Variants in DLG5 observed in about 807,000 individuals in gnomAD.
DLG5 encodes the protein disks large homolog 5.
Under a neutral mutation model 189.8 loss-of-function variants are expected in DLG5, and 48 were observed. That is an observed-to-expected ratio of 0.25 (90% CI 0.20 to 0.32). DLG5 has a LOEUF of 0.32. DLG5 is among the 10% of genes least tolerant of loss of function. The pLI is 1.00. For synonymous variants in DLG5, 1,016 were observed against 1,054.1 expected, an observed-to-expected ratio of 0.96 and a Z score of 0.70; for missense variants, 2,160 against 2,544.7, an observed-to-expected ratio of 0.85 and a Z score of 3.25.
At chr10:77,934,038 ACT>A in the DLG5 span, among the ~76,000 whole-genome samples, 1 of 150,714 alleles carries the variant, frequency 6.6e-6, no homozygotes, top group Non-Finnish European at 1.5e-5. Context: ...ACAGAGTGAG[ACT>A]CTGTCTCCAA....
chr10:77,889,683 G>C (rs1845550134), intron 1 of DLG5, among the ~76,000 whole-genome samples: 1 of 152,206 alleles, frequency 6.6e-6, no homozygotes, highest in African/African-American at 2.4e-5. Flanking sequence ...GGGTTAGGCA[G>C]GGTCACAGGC....
At chr10:77,875,941 C>T (rs893140934) in intron 1 of DLG5, among the ~76,000 whole-genome samples, 1 of 152,192 alleles carries the variant, frequency 6.6e-6, no homozygotes, top group African/African-American at 2.4e-5. Context: ...GGGAAGCGGA[C>T]AAGGCCCAGT....
intron 2 of DLG5, among the ~76,000 whole-genome samples, chr10:77,866,162 G>A (rs147998347): frequency 8.1e-4 from 124 of 152,286 alleles, no homozygotes; most frequent in Middle Eastern, 6.8e-3. Flanking sequence ...GGAACTCCCT[G>A]GCAGGTGCTA....
intron 2 of DLG5, among the ~76,000 whole-genome samples, chr10:77,859,226 T>TA (rs559405438): frequency 1.1e-4 from 17 of 152,244 alleles, no homozygotes; most frequent in Middle Eastern, 3.4e-3. Flanking sequence ...GTCAAAAAGT[T>TA]AAAAAAATAT....
chr10:77,802,717 T>C (rs1841274786), intron 27 of DLG5, among the ~76,000 whole-genome samples: 1 of 152,086 alleles, frequency 6.6e-6, no homozygotes, highest in African/African-American at 2.4e-5. Flanking sequence ...CTGGCCAACA[T>C]GGTGAAACCC....
chr10:77,797,845 G>C (rs1170111023), intron 27 of DLG5, among the ~76,000 whole-genome samples: 1 of 152,168 alleles, frequency 6.6e-6, no homozygotes, highest in Non-Finnish European at 1.5e-5. Context: ...CAGGGAGTAA[G>C]TAAAGTCTCT....
rs948945354 is a variant in DLG5 at position 77,793,855 on chromosome 10, A to G, written c.5656+153T>C. The stretch of plus-strand genomic sequence containing the variant: ...ATCCTGACGTTGGCCAGGGACTGCA[A>G]TCTGAACACCTGACTTGTCAGGAAC... On this transcript the variant is annotated intron_variant, in intron 31 of 31. Transcript: ENST00000372391. 1.1e-5 allele frequency: 7 copies of G among 661,790 alleles called. No homozygotes were observed. The African/African-American group carries it at 1.3e-4, about 12-fold the overall frequency. 41.0% of individuals were successfully genotyped at this position (661,790 alleles called of 1,614,324 possible).
intron 2 of DLG5, among the ~76,000 whole-genome samples, chr10:77,858,885 G>T (rs1415075617): frequency 2.0e-5 from 3 of 152,018 alleles, no homozygotes; most frequent in Non-Finnish European, 2.9e-5. Context: ...GTGTGTGTGT[G>T]TTTTTTTGAG....
chr10:77,895,157 A>G (rs1845721875), intron 1 of DLG5, among the ~76,000 whole-genome samples: 1 of 152,028 alleles, frequency 6.6e-6, no homozygotes, highest in African/African-American at 2.4e-5. Context: ...CACAGCAGGC[A>G]CTCAGCTGAC....
At chr10:77,922,876 T>C (rs1846577609) in intron 1 of DLG5, among the ~76,000 whole-genome samples, 1 of 152,218 alleles carries the variant, frequency 6.6e-6, no homozygotes, top group African/African-American at 2.4e-5. Flanking sequence ...GTGGTAGGTT[T>C]AAATGTCTGG....
chr10:77,834,960 C>T (rs1417332648), intron 8 of DLG5, among the ~76,000 whole-genome samples: 2 of 151,900 alleles, frequency 1.3e-5, no homozygotes, highest in African/African-American at 4.8e-5. Context: ...GGACACCTCC[C>T]AAATAGCAAG....
chr10:77,853,304 G>A (rs2154576669), intron 5 of DLG5, 50 bp downstream of exon 5: 12 of 1,411,076 alleles, frequency 8.5e-6, no homozygotes, highest in Non-Finnish European at 1.0e-5. Flanking sequence ...CCATTAAAAG[G>A]AATGAGGACT....
At position 77,926,382 on chromosome 10, in the gene DLG5, C is replaced by T; in HGVS notation, c.139G>A (p.Glu47Lys). Residue 47 changes from glutamate (E) to lysine (K), a missense_variant, in exon 1 of 32, where the codon GAG becomes AAG. By Grantham distance (56) the Glu-to-Lys change is moderately conservative. Around this residue, in one of 5 missense-constraint regions of DLG5, gnomAD observed 664 missense variants for 838.5 expected, o/e 0.79. Transcript: ENST00000372391. This position sits in a 1 kb window ranked among gnomAD's most constrained non-coding sequence, Gnocchi z 5.2. Reference sequence around the variant, plus strand: ...AGCTCCGCCTTGGCGCCTCCCGCCTCCTCGTCCAGCTGCCGCCGCTCGCCG... The same window carrying T: ...AGCTCCGCCTTGGCGCCTCCCGCCTTCTCGTCCAGCTGCCGCCGCTCGCCG... ...SPGERRQLDEEAGGAKAELLL... is the reference protein window; with the variant it reads ...SPGERRQLDEKAGGAKAELLL... 6.3e-7 allele frequency: 1 copy of T among 1,595,440 alleles called. No homozygotes were observed. Among genetic ancestry groups the T allele is most frequent in the African/African-American group, 1.3e-5 (1 of 74,474 alleles).
At chr10:77,811,064 C>G in intron 23 of DLG5, 30 bp downstream of exon 23, 1 of 1,604,760 alleles carries the variant, frequency 6.2e-7, no homozygotes, top group Non-Finnish European at 8.5e-7. Context: ...GAAGCGGACA[C>G]AGGGAAGGCT....
chr10:77,823,273 A>G (rs1842456307), intron 14 of DLG5, among the ~76,000 whole-genome samples: 1 of 152,200 alleles, frequency 6.6e-6, no homozygotes, highest in African/African-American at 2.4e-5. Context: ...GAAAATAGTT[A>G]ATTTAGAAAA....
intron 19 of DLG5, 24 bp downstream of exon 19, chr10:77,816,983 A>G (rs1842089141): frequency 6.2e-7 from 1 of 1,610,120 alleles, no homozygotes; most frequent in Admixed American, 1.7e-5. Context: ...AGCAGGAGAG[A>G]TGGGAATGTC....
chr10:77,911,229 G>A (rs1386420059), intron 1 of DLG5, among the ~76,000 whole-genome samples: 1 of 152,054 alleles, frequency 6.6e-6, no homozygotes, highest in South Asian at 2.1e-4. Context: ...TCAGGTTCAA[G>A]GGATCCTCCC....
Position 77,796,621 on chromosome 10 carries a change from C to T in DLG5, c.5165-27G>A, listed in dbSNP as rs1227854833. 11 of 1,612,882 alleles carry T rather than the reference C, an allele frequency of 6.8e-6. No individual in the cohort carries two copies. Among genetic ancestry groups the T allele is most frequent in the Non-Finnish European group, 9.3e-6 (11 of 1,179,302 alleles). On this transcript the variant is annotated intron_variant, in intron 27 of 31. Transcript: ENST00000372391. This position sits in a 1 kb window ranked among gnomAD's most constrained non-coding sequence, Gnocchi z 5.2. ...TGAGGGAGAGAGAGCAGCAGCGTCACGGACCCAGCTTGGAGTGGAGGACCT... is the reference window on the plus strand; with the variant it reads ...TGAGGGAGAGAGAGCAGCAGCGTCATGGACCCAGCTTGGAGTGGAGGACCT...
intron 1 of DLG5, among the ~76,000 whole-genome samples, chr10:77,884,297 G>A (rs1344847312): frequency 6.6e-6 from 1 of 152,178 alleles, no homozygotes; most frequent in Non-Finnish European, 1.5e-5. Context: ...GATTGGCCCT[G>A]TTTCTCCATC....
Sources: gnomAD v4.1 joint callset for allele counts (sites outside exome capture counted in the v4.1 genomes callset) on GRCh38, gnomAD v4.1.1 for gene constraint, gnomAD v4.1.1 regional missense constraint, Gnocchi (gnomAD v3.1) non-coding constraint, MANE v1.5 for transcripts, NCBI Gene and HGNC (gene_info 2026-07-23, HGNC 2026-07-21) for gene names.